Variants in CD163 observed in about 807,000 individuals in gnomAD.
CD163 encodes scavenger receptor cysteine-rich type 1 protein M130.
Under a neutral mutation model 129.2 loss-of-function variants are expected in CD163, and 64 were observed. The ratio of observed to expected loss-of-function variants is 0.50; its 90% CI spans 0.41 to 0.61. The LOEUF is 0.61. Ranked by LOEUF, CD163 falls within the 20% of genes least tolerant of loss-of-function variation. CD163 has a pLI of 0.00. For synonymous variants in CD163, 446 were observed against 478.5 expected (o/e 0.93, Z 0.89); for missense variants, 1,061 against 1,377.9 (o/e 0.77, Z 3.64).
intron 1 of CD163, among the ~76,000 whole-genome samples, chr12:7,502,959 C>G (rs1319980949): frequency 6.6e-6 from 1 of 152,056 alleles, no homozygotes; most frequent in East Asian, 1.9e-4. Context: ...TTATGGATGC[C>G]CCCATCTTTA....
intron 16 of CD163, among the ~76,000 whole-genome samples, chr12:7,476,845 A>C (rs960445065): frequency 6.6e-6 from 1 of 152,248 alleles, no homozygotes; most frequent in Non-Finnish European, 1.5e-5. Context: ...GGCATCTGAC[A>C]AAGAGCTAAT....
At chr12:7,502,812 C>T (rs933446430) in intron 1 of CD163, 15 of 555,530 alleles carry the variant, frequency 2.7e-5, no homozygotes, top group South Asian at 5.2e-5. Flanking sequence ...GTGGTGGAAA[C>T]GAGAATTGCA....
intron 4 of CD163, among the ~76,000 whole-genome samples, chr12:7,498,446 T>C (rs1949433282): frequency 6.6e-6 from 1 of 152,166 alleles, no homozygotes; most frequent in Non-Finnish European, 1.5e-5. Context: ...TGAAAAATGA[T>C]TTGGGAAGGA....
At position 7,483,374 on chromosome 12, in the gene CD163, A is replaced by G; in HGVS notation, c.3081T>C (p.Asn1027=). The part of the protein sequence containing the change: ...ECGHKEDAAV[N]CTDISVQKTP... Reference sequence around the variant, plus strand: ...CAGGCTTCTGGCACTTACCTGTGCAATTCACTGCAGCGTCTTCCTTGTGCC... The same window carrying G: ...CAGGCTTCTGGCACTTACCTGTGCAGTTCACTGCAGCGTCTTCCTTGTGCC... The change falls in exon 12 of 17, where the codon AAT becomes AAC. Residue 1027 remains asparagine, a synonymous_variant. Transcript: ENST00000432237. 6.2e-7 allele frequency: 1 copy of G among 1,612,198 alleles called. No homozygotes were observed. The highest frequency in any genetic ancestry group is 8.5e-7 in the Non-Finnish European group (1 of 1,179,196).
At chr12:7,477,401 G>A (rs1949101857) in intron 16 of CD163, among the ~76,000 whole-genome samples, 2 of 152,082 alleles carry the variant, frequency 1.3e-5, no homozygotes. Flanking sequence ...GAATACTATA[G>A]AGCCATAAAA....
At chr12:7,474,871 TA>T (rs2136682284) in intron 16 of CD163, among the ~76,000 whole-genome samples, 1 of 151,658 alleles carries the variant, frequency 6.6e-6, no homozygotes, top group African/African-American at 2.4e-5. Flanking sequence ...CAAATAGATA[TA>T]ATAAAAAGTG....
At chr12:7,479,971 G>A in intron 15 of CD163, 58 bp from the exon 16 acceptor site, 1 of 1,611,174 alleles carries the variant, frequency 6.2e-7, no homozygotes, top group Non-Finnish European at 8.5e-7. Flanking sequence ...CAGCAGCACT[G>A]AAATCAGCTG....
At chr12:7,492,466 AC>A (rs746402282) in intron 6 of CD163, among the ~76,000 whole-genome samples, 16 of 152,074 alleles carry the variant, frequency 1.1e-4, no homozygotes, top group Non-Finnish European at 1.9e-4. Flanking sequence ...GAGGCTAAAA[AC>A]CTAAGGAGTC....
intron 15 of CD163, 187 bp from the exon 16 acceptor site, chr12:7,480,100 A>T: frequency 9.5e-7 from 1 of 1,051,778 alleles, no homozygotes; most frequent in Non-Finnish European, 1.4e-6. Flanking sequence ...TAGGAAGAAA[A>T]GCATGTGTGA....
At chr12:7,488,120 A>G in intron 6 of CD163, 33 bp from the exon 7 acceptor site, 1 of 1,538,422 alleles carries the variant, frequency 6.5e-7, no homozygotes, top group Non-Finnish European at 8.8e-7. Flanking sequence ...GTGAGAGGTA[A>G]TATGATTTCC....
rs150189044 is a variant in CD163, at chr12:7,502,704, A to C, written c.47-140T>G. On this transcript the variant is annotated intron_variant, in intron 1 of 16. Transcript: ENST00000432237. ...TCATTCTAAATTGCAAGGCAGGCAG[A>C]AAACATTCATACCCAGGCTCATATA... is the stretch of plus-strand genomic sequence containing the variant. 9.6e-4 allele frequency: 640 copies of C among 668,806 alleles called. 2 individuals carry two copies. In the African/African-American group the frequency reaches 0.01, roughly 11 times the overall value. 41.4% of individuals were successfully genotyped at this position (668,806 alleles called of 1,614,324 possible). A position where few individuals can be genotyped will look rare whatever the true frequency, so the allele number is the denominator to read the frequency against.
rs149175216 is a variant in CD163, at chr12:7,488,005, G to A, written c.1503C>T (p.Ser501=). 8.1e-6 allele frequency: 13 copies of A among 1,614,122 alleles called. No homozygotes were observed. The African/African-American group carries it at 1.5e-4, about 18-fold the overall frequency. The part of the protein sequence containing the change: ...VEVKHGDTWG[S]ICDSDFSLEA... ...CCAGAGAGAAGTCCGAATCACAGAT[G>A]GAGCCCCACGTGTCACCATGCTTCA... The change falls in exon 7 of 17, where the codon TCC becomes TCT. Residue 501 remains serine (S), a synonymous_variant. Transcript: ENST00000432237.
Position 7,487,296 on chromosome 12 carries a change from G to A in CD163, c.2050+63C>T, listed in dbSNP as rs1565402498. ...AAATGGATCACTGCGTTTTACTTTT[G>A]TTCTTCATCCCTATGTACACCTTCT... On this transcript the variant is annotated intron_variant, in intron 8 of 16. Transcript: ENST00000432237. The surrounding 1 kb of genome is among the most constrained non-coding windows in gnomAD (Gnocchi z 5.1). 1 of 1,487,330 alleles carries A rather than the reference G, an allele frequency of 6.7e-7. No individual in the cohort carries two copies. The highest frequency in any genetic ancestry group is 9.0e-7 in the Non-Finnish European group (1 of 1,114,360). The allele number at this position is 1,487,330 out of a possible 1,614,324, so 92.1% of individuals were successfully genotyped here.
intron 10 of CD163, 65 bp downstream of exon 10, chr12:7,486,434 C>T: frequency 3.5e-6 from 5 of 1,425,478 alleles, no homozygotes; most frequent in Non-Finnish European, 4.8e-6. Context: ...GATTAATACC[C>T]CTCACTACCC....
intron 16 of CD163, among the ~76,000 whole-genome samples, chr12:7,477,917 T>G (rs994879219): frequency 3.3e-4 from 51 of 152,306 alleles, no homozygotes; most frequent in African/African-American, 1.1e-3. Context: ...TTATTCATGG[T>G]TCTCAGTTTA....
intron 16 of CD163, among the ~76,000 whole-genome samples, chr12:7,473,435 A>C (rs923185679): frequency 6.6e-6 from 1 of 152,210 alleles, no homozygotes; most frequent in African/African-American, 2.4e-5. Context: ...TTCATAAAGG[A>C]AACAATTTTC....
At chr12:7,500,674 C>A (rs1348475830) in intron 3 of CD163, among the ~76,000 whole-genome samples, 1 of 152,082 alleles carries the variant, frequency 6.6e-6, no homozygotes, top group Non-Finnish European at 1.5e-5. Context: ...CTTCCTACAA[C>A]AAGAAATGAT....
intron 6 of CD163, among the ~76,000 whole-genome samples, chr12:7,490,798 C>A (rs765718946): frequency 2.0e-5 from 3 of 151,938 alleles, no homozygotes; most frequent in Non-Finnish European, 2.9e-5. Context: ...ATTAAATCTG[C>A]GCAAAGCAAA....
rs528226880 is a variant in CD163, at chr12:7,498,304, C to T, written c.778+564G>A. ...AGAGTGGTATCTCTGCACACACAAACGATTTTCCCCGCCCCCAGTCTGAGT... is the reference window on the plus strand; with the variant it reads ...AGAGTGGTATCTCTGCACACACAAATGATTTTCCCCGCCCCCAGTCTGAGT... On this transcript the variant is annotated intron_variant, in intron 4 of 16. Transcript: ENST00000432237. Among the ~76,000 whole-genome samples, 124 of 152,120 alleles carry T rather than the reference C, an allele frequency of 8.2e-4. 1 individual carries two copies. The highest frequency in any genetic ancestry group is 2.4e-3 in the Admixed American group (36 of 15,264).
Sources: allele counts gnomAD v4.1 joint callset (sites outside exome capture counted in the v4.1 genomes callset), GRCh38; gene constraint gnomAD v4.1.1; non-coding constraint Gnocchi (gnomAD v3.1); transcripts MANE v1.5; gene names NCBI Gene and HGNC (gene_info 2026-07-23, HGNC 2026-07-21).